The following FAM135A variants were observed in gnomAD, a reference collection of about 807,000 sequenced individuals.
The protein encoded by FAM135A is protein FAM135A.
In FAM135A, 79 loss-of-function variants were observed where a neutral mutation model predicts 146.8. The ratio of observed to expected loss-of-function variants is 0.54; its 90% CI spans 0.45 to 0.65. The LOEUF (loss-of-function observed/expected upper bound fraction) is 0.65. Among genes scored for constraint, FAM135A ranks in the 30% least tolerant of loss-of-function variants. The pLI is 0.00. For missense variants in FAM135A, 1,623 were observed against 1,758.2 expected (o/e 0.92, Z 1.38); for synonymous variants, 562 against 603.6 (o/e 0.93, Z 1.01).
chr6:70,507,846 T>A (rs1790133223), intron 12 of FAM135A, among the ~76,000 whole-genome samples: 1 of 152,046 alleles, frequency 6.6e-6, no homozygotes. Context: ...AATGATCAAG[T>A]GGGACAGTTT....
Position 70,525,216 on chromosome 6 carries a change from C to A in FAM135A, c.2132C>A (p.Thr711Lys), listed in dbSNP as rs143044925. 7.1e-4 allele frequency: 1,133 copies of A among 1,598,186 alleles called. 1 individual carries two copies. The highest frequency in any genetic ancestry group is 9.1e-4 in the Non-Finnish European group (1,070 of 1,174,564). ...GGTAAATCTAAATCTATAGAAATAA[C>A]ATTTGAAAAGGAAGCTTTGCAAGAA... ...SNGKSKSIEI[T>K]FEKEALQEAK... The change falls in exon 15 of 22, where the codon ACA becomes AAA. Residue 711 changes from threonine to lysine, a missense_variant. By Grantham distance (78) the Thr-to-Lys change is moderately conservative. Transcript: ENST00000418814.
intron 12 of FAM135A, among the ~76,000 whole-genome samples, chr6:70,507,287 A>G (rs188077177): frequency 2.0e-5 from 3 of 152,268 alleles, no homozygotes; most frequent in Admixed American, 6.5e-5. Context: ...TCTGGCTCCC[A>G]TTTATGCAAT....
chr6:70,554,802 A>G (rs907519952), intron 20 of FAM135A, among the ~76,000 whole-genome samples: 29 of 151,856 alleles, frequency 1.9e-4, no homozygotes, highest in Non-Finnish European at 3.8e-4. Flanking sequence ...TAATTTTTGT[A>G]TTTTTGGTAG....
intron 12 of FAM135A, among the ~76,000 whole-genome samples, chr6:70,507,250 CTG>C (rs1445268485): frequency 6.6e-6 from 1 of 152,132 alleles, no homozygotes; most frequent in African/African-American, 2.4e-5. Context: ...ATCACAAAAA[CTG>C]TGGACATGGT....
At chr6:70,538,805 G>GTTATATTATATTATA (rs57363541) in intron 20 of FAM135A, among the ~76,000 whole-genome samples, 250 of 112,840 alleles carry the variant, frequency 2.2e-3, no homozygotes, top group East Asian at 5.9e-3. Context: ...ATTATGTTAT[G>GTTATATTATATTATA]TTATATTATA....
intron 4 of FAM135A, among the ~76,000 whole-genome samples, chr6:70,443,172 T>C (rs1238369445): frequency 1.3e-5 from 2 of 152,210 alleles, no homozygotes; most frequent in African/African-American, 4.8e-5. Flanking sequence ...TGTGGTAGAA[T>C]TCCTGTTTGC....
intron 16 of FAM135A, among the ~76,000 whole-genome samples, chr6:70,528,843 C>G (rs1426565332): frequency 3.3e-5 from 5 of 151,050 alleles, no homozygotes; most frequent in Non-Finnish European, 7.4e-5. Context: ...CCTAGTCCCC[C>G]ACCCCCTGAC....
At chr6:70,502,961 A>G in intron 12 of FAM135A, 170 bp downstream of exon 12, 2 of 649,104 alleles carry the variant, frequency 3.1e-6, no homozygotes, top group South Asian at 3.0e-5. Flanking sequence ...ATAGAACAAT[A>G]CAGTTAAGCA....
chr6:70,467,477 A>G (rs1780690157), intron 5 of FAM135A, among the ~76,000 whole-genome samples: 1 of 151,986 alleles, frequency 6.6e-6, no homozygotes, highest in Admixed American at 6.6e-5. Context: ...TTTGTTAACA[A>G]TTATCTCCCA....
At chr6:70,428,453 C>T in intron 4 of FAM135A, 34 bp downstream of exon 4, 1 of 1,464,128 alleles carries the variant, frequency 6.8e-7, no homozygotes, top group Non-Finnish European at 9.4e-7. Context: ...ATATATTTTG[C>T]ATAAGATGTA....
Position 70,484,912 on chromosome 6 carries a change from G to C in FAM135A, c.823+2758G>C, listed in dbSNP as rs189780936. 2.7e-3 allele frequency among the ~76,000 whole-genome samples: 413 copies of C among 152,256 alleles called. 1 individual carries two copies. Among genetic ancestry groups the C allele is most frequent in the Middle Eastern group, 0.024 (7 of 294 alleles). ...GATTTTCAACTTTTTCTCTGGTGAG[G>C]ATGGCTTTTATGTCATGTATATTAC... is the stretch of plus-strand genomic sequence containing the variant. On this transcript the variant is annotated intron_variant, in intron 10 of 21. Coordinates refer to ENST00000418814, the MANE Select transcript of FAM135A (RefSeq NM_001162529.3).
chr6:70,559,278 T>TA (rs1258253492), intron 21 of FAM135A, among the ~76,000 whole-genome samples: 2 of 151,720 alleles, frequency 1.3e-5, no homozygotes, highest in Non-Finnish European at 2.9e-5. Context: ...CCAACTCTAT[T>TA]AAAAATACAA....
At chr6:70,490,117 G>A (rs1051369512) in intron 10 of FAM135A, among the ~76,000 whole-genome samples, 2 of 152,212 alleles carry the variant, frequency 1.3e-5, no homozygotes, top group Admixed American at 6.5e-5. Flanking sequence ...CATTCAGTCT[G>A]TTTTACAAAT....
At chr6:70,454,942 A>G (rs1777986010) in intron 5 of FAM135A, among the ~76,000 whole-genome samples, 2 of 152,144 alleles carry the variant, frequency 1.3e-5, no homozygotes, top group Non-Finnish European at 2.9e-5. Flanking sequence ...TGAATTTTAA[A>G]GTAGTTTTTT....
chr6:70,475,578 A>G, intron 6 of FAM135A, 29 bp downstream of exon 6: 1 of 1,577,654 alleles, frequency 6.3e-7, no homozygotes, highest in Non-Finnish European at 8.6e-7. Flanking sequence ...TTATTTATGT[A>G]AATATTTTTT....
intron 3 of FAM135A, among the ~76,000 whole-genome samples, chr6:70,426,961 C>T (rs767863438): frequency 6.6e-6 from 1 of 152,068 alleles, no homozygotes; most frequent in Non-Finnish European, 1.5e-5. Context: ...TACAAACATC[C>T]GTGAAAAGAT....
At chr6:70,464,676 T>C (rs1342140633) in intron 5 of FAM135A, among the ~76,000 whole-genome samples, 2 of 139,666 alleles carry the variant, frequency 1.4e-5, no homozygotes, top group East Asian at 2.0e-4. Flanking sequence ...TCTTTTTTTT[T>C]TTTTTTTGAG....
chr6:70,545,711 C>T (rs1284162510), intron 20 of FAM135A, among the ~76,000 whole-genome samples: 1 of 152,146 alleles, frequency 6.6e-6, no homozygotes, highest in African/African-American at 2.4e-5. Context: ...ACACATGTAA[C>T]ATTTACCACG....
intron 2 of FAM135A, among the ~76,000 whole-genome samples, chr6:70,417,084 T>C (rs1451785066): frequency 6.6e-6 from 1 of 152,144 alleles, no homozygotes; most frequent in Non-Finnish European, 1.5e-5. Context: ...TAACTAACCC[T>C]TCAGGTAGTT....
Sources: allele counts gnomAD v4.1 joint callset (sites outside exome capture counted in the v4.1 genomes callset), GRCh38; gene constraint gnomAD v4.1.1; transcripts MANE v1.5; gene names NCBI Gene and HGNC (gene_info 2026-07-23, HGNC 2026-07-21).